Variants in OTOGL observed in about 807,000 individuals in gnomAD.
The protein encoded by OTOGL is otogelin-like protein.
Under a neutral mutation model 318.5 loss-of-function variants are expected in OTOGL, and 285 were observed. The ratio of observed to expected loss-of-function variants is 0.89; its 90% CI spans 0.81 to 0.99. The LOEUF is 0.99. Among genes scored for constraint, OTOGL ranks in the 50% least tolerant of loss-of-function variants. The probability of loss-of-function intolerance (pLI) is 0.00; values close to 1 mark genes in which losing one functional copy is unlikely to be tolerated. For synonymous variants in OTOGL, 987 were observed against 936.5 expected (o/e 1.05, Z -0.99); for missense variants, 2,899 against 2,845.6 (o/e 1.02, Z -0.43).
intron 7 of OTOGL, among the ~76,000 whole-genome samples, chr12:80,225,563 TAAG>T (rs1416745973): frequency 6.6e-6 from 1 of 152,134 alleles, no homozygotes; most frequent in African/African-American, 2.4e-5. Context: ...AATTATCACT[TAAG>T]AGTTACCATT....
At position 80,375,497 on chromosome 12, in the gene OTOGL, A is replaced by G. The variant is rs146113447; in HGVS notation, c.6782-1626A>G. Among the ~76,000 whole-genome samples the G allele has an allele frequency of 7.6e-4, 115 of 152,312 alleles. 2 individuals are homozygous for G. Among genetic ancestry groups the G allele is most frequent in the African/African-American group, 2.6e-3 (107 of 41,580 alleles). ...AATATGTCATTTAGTGATGAGTGGT[A>G]TAAAGAAAAATAATGTAGAATAAAA... On this transcript the variant is annotated intron_variant, in intron 57 of 58. Transcript: ENST00000547103.
chr12:80,111,066 G>A (rs1238673271), intron 1 of OTOGL, among the ~76,000 whole-genome samples: 1 of 152,186 alleles, frequency 6.6e-6, no homozygotes, highest in Non-Finnish European at 1.5e-5. Context: ...CTTTTGAGAA[G>A]TGTCTCTTCA....
At chr12:80,288,058 G>C (rs1471688086) in intron 26 of OTOGL, among the ~76,000 whole-genome samples, 1 of 151,982 alleles carries the variant, frequency 6.6e-6, no homozygotes, top group African/African-American at 2.4e-5. Context: ...TCCATATTTA[G>C]TGCTTCCTTC....
chr12:80,214,965 G>A (rs888063590), intron 4 of OTOGL, among the ~76,000 whole-genome samples: 1 of 152,148 alleles, frequency 6.6e-6, no homozygotes, highest in African/African-American at 2.4e-5. Flanking sequence ...ATGATGTATG[G>A]GATGCTGGAT....
At chr12:80,322,678 C>T (rs932693629) in intron 34 of OTOGL, among the ~76,000 whole-genome samples, 1 of 152,160 alleles carries the variant, frequency 6.6e-6, no homozygotes, top group Non-Finnish European at 1.5e-5. Flanking sequence ...AAGGACTTCT[C>T]TATGCTGTGG....
chr12:80,352,405 C>T lies in OTOGL; in HGVS notation c.5376C>T (p.Ile1792=). Residue 1792 remains isoleucine, a synonymous_variant, in exon 45 of 59, where the codon ATC becomes ATT. Coordinates refer to ENST00000547103, the MANE Select transcript of OTOGL (RefSeq NM_001378609.3). ...AYVALCNKFD[I]CIQWRTPDYC... Reference sequence around the variant, plus strand: ...TGGCTCTGTGCAACAAGTTTGATATCTGTATTCAGTGGAGAACACCTGATT... The same window carrying T: ...TGGCTCTGTGCAACAAGTTTGATATTTGTATTCAGTGGAGAACACCTGATT... The T allele has an allele frequency of 1.2e-6, 2 of 1,611,424 alleles. No individual in the cohort carries two copies. Among genetic ancestry groups the T allele is most frequent in the African/African-American group, 2.7e-5 (2 of 74,972 alleles).
intron 11 of OTOGL, among the ~76,000 whole-genome samples, chr12:80,240,358 C>G (rs904392195): frequency 6.6e-6 from 1 of 151,942 alleles, no homozygotes; most frequent in Non-Finnish European, 1.5e-5. Context: ...TTTTGGGAGT[C>G]TAGAGAAATT....
chr12:80,310,564 A>T (rs1296495934), intron 29 of OTOGL, 47 bp from the exon 30 acceptor site: 1 of 1,332,124 alleles, frequency 7.5e-7, no homozygotes, highest in African/African-American at 1.4e-5. Context: ...CTGTTTGAGA[A>T]ATTGTCCCTT....
At chr12:80,174,989 C>G (rs1285215910) in intron 1 of OTOGL, among the ~76,000 whole-genome samples, 1 of 151,144 alleles carries the variant, frequency 6.6e-6, no homozygotes, top group Non-Finnish European at 1.5e-5. Flanking sequence ...TAAAAAAAAA[C>G]TTAATGAGTG....
intron 52 of OTOGL, among the ~76,000 whole-genome samples, chr12:80,360,055 G>GA (rs1189841640): frequency 1.3e-5 from 2 of 152,218 alleles, no homozygotes; most frequent in Admixed American, 1.3e-4. Context: ...ATTTCCCTTA[G>GA]AAAATGTAGC....
chr12:80,108,906 GTATATATA>G, intron 1 of OTOGL, among the ~76,000 whole-genome samples: 2 of 124,640 alleles, frequency 1.6e-5, no homozygotes. Context: ...ATATATATGT[GTATATATA>G]TGTGTATATA....
intron 57 of OTOGL, among the ~76,000 whole-genome samples, chr12:80,373,198 C>G (rs1377599294): frequency 1.3e-5 from 2 of 151,988 alleles, no homozygotes; most frequent in African/African-American, 4.8e-5. Flanking sequence ...CTTTGGGAGG[C>G]CAAGTTGGGT....
At chr12:80,125,303 C>T (rs1592471855) in intron 1 of OTOGL, among the ~76,000 whole-genome samples, 1 of 152,038 alleles carries the variant, frequency 6.6e-6, no homozygotes, top group South Asian at 2.1e-4. Flanking sequence ...AATCATGTGG[C>T]TTTTGTCATT....
chr12:80,128,266 C>A (rs1189521807), intron 1 of OTOGL, among the ~76,000 whole-genome samples: 4 of 152,186 alleles, frequency 2.6e-5, no homozygotes, highest in Non-Finnish European at 5.9e-5. Context: ...ACAGTCAGGA[C>A]CCTCAGCTGC....
chr12:80,208,921 A>G (rs752544275), intron 1 of OTOGL, among the ~76,000 whole-genome samples: 3 of 152,168 alleles, frequency 2.0e-5, no homozygotes, highest in Non-Finnish European at 2.9e-5. Flanking sequence ...TCCTAAAGAA[A>G]ACTTTTAATT....
At chr12:80,205,372 A>C (rs1267493464) in intron 1 of OTOGL, among the ~76,000 whole-genome samples, 3 of 152,232 alleles carry the variant, frequency 2.0e-5, no homozygotes, top group Non-Finnish European at 4.4e-5. Context: ...TGAAAAACAA[A>C]TGTCGCTATA....
Position 80,336,475 on chromosome 12 carries a change from T to A in OTOGL, c.4663T>A (p.Tyr1555Asn). Residue 1555 changes from tyrosine (Y) to asparagine (N), a missense_variant, in exon 40 of 59, where the codon TAT becomes AAT. Tyr to Asn is a moderately radical substitution (Grantham distance 143, BLOSUM62 -2). Around this residue, in one of 3 missense-constraint regions of OTOGL, gnomAD observed 2,607 missense variants for 2,524.9 expected, o/e 1.03. Transcript: ENST00000547103. ...ITFDGNNAALYSMASYILVRI... is the reference protein window; with the variant it reads ...ITFDGNNAALNSMASYILVRI... ...ATTTGATGGAAACAACGCAGCATTA[T>A]ATAGCATGGCTTCTTATATCTTAGT... 1 of 1,609,226 alleles carries A rather than the reference T, an allele frequency of 6.2e-7. No homozygotes were observed. The highest frequency in any genetic ancestry group is 1.1e-5 in the South Asian group (1 of 90,894).
chr12:80,270,104 A>C lies in OTOGL; in HGVS notation c.2468A>C (p.Gln823Pro), dbSNP rs1217130113. The change falls in exon 23 of 59, where the codon CAG (glutamine) becomes CCG (proline). Residue 823 changes from glutamine (Q) to proline (P), a missense_variant and splice_region_variant. Physicochemically the swap from Gln to Pro is moderately conservative, Grantham distance 76. Coordinates refer to ENST00000547103, the MANE Select transcript of OTOGL (RefSeq NM_001378609.3). ...ATTAACTATTTATTTACTTCTAGCC[A>C]GTGTTCAAATGGGACTGTGAAATGT... ...ELIPTPSGLC[Q>P]CSNGTVKCDE... 2 of 1,597,860 alleles carry C rather than the reference A, an allele frequency of 1.3e-6. No homozygotes were observed. The highest frequency in any genetic ancestry group is 3.4e-5 in the Admixed American group (2 of 59,644).
intron 1 of OTOGL, among the ~76,000 whole-genome samples, chr12:80,183,800 G>A (rs1026275038): frequency 1.3e-5 from 2 of 152,182 alleles, no homozygotes; most frequent in Non-Finnish European, 2.9e-5. Context: ...GGAGGCATTA[G>A]GGCAGATGGA....
Sources: allele counts gnomAD v4.1 joint callset (sites outside exome capture counted in the v4.1 genomes callset), GRCh38; gene constraint gnomAD v4.1.1; regional missense constraint gnomAD v4.1.1; transcripts MANE v1.5; gene names NCBI Gene and HGNC (gene_info 2026-07-23, HGNC 2026-07-21).